Variants in SETD1B observed in about 807,000 individuals in gnomAD.
SETD1B encodes histone-lysine N-methyltransferase SETD1B.
SETD1B carries 7 observed loss-of-function variants against 148.0 expected under a neutral mutation model. The observed-to-expected ratio is 0.05, with a 90% CI of 0.03 to 0.09. SETD1B has a LOEUF of 0.09. Among genes scored for constraint, SETD1B ranks in the 10% least tolerant of loss-of-function variants. SETD1B has a pLI of 1.00. For missense variants in SETD1B, 2,155 were observed against 2,729.9 expected (o/e 0.79, Z 4.69); for synonymous variants, 1,361 against 1,186.5 (o/e 1.15, Z -3.02).
chr12:121,814,959 G>T, intron 7 of SETD1B, 29 bp downstream of exon 7: 2 of 1,509,822 alleles, frequency 1.3e-6, no homozygotes, highest in South Asian at 2.5e-5. Context: ...GGCTCTGCAG[G>T]GTGGCTGTGG....
chr12:121,793,592 AC>A, the SETD1B span: 2 of 1,552,058 alleles, frequency 1.3e-6, no homozygotes, highest in African/African-American at 1.4e-5. Flanking sequence ...TCCTGCCCGG[AC>A]CGGGGGCGGC....
At position 121,827,545 on chromosome 12, in the gene SETD1B, C is replaced by G. The variant is rs780659811; in HGVS notation, c.5364C>G (p.His1788Gln). 1 of 1,546,398 alleles carries G rather than the reference C, an allele frequency of 6.5e-7. No individual in the cohort carries two copies. Among genetic ancestry groups the G allele is most frequent in the Admixed American group, 2.0e-5 (1 of 50,946 alleles). Residue 1788 changes from histidine to glutamine, a missense_variant, in exon 14 of 17, where the codon CAC becomes CAG. This residue lies in a region of SETD1B where 51 missense variants were observed against 162.8 expected (regional missense o/e 0.31). Transcript: ENST00000604567. ...GCATGAGCATCCCAGCACAGCCCCA[C>G]GCCTCCACCCGGGCAGGCTCGGAGC... ...TQGMSIPAQPHASTRAGSERR... is the reference protein window; with the variant it reads ...TQGMSIPAQPQASTRAGSERR...
rs577667566 is a variant in SETD1B at position 121,830,323 on chromosome 12, C to G, written c.*84C>G. Reference sequence around the variant, plus strand: ...CCCCTGGCCCCGGGGCCCGGCCCCCCGCGCCCGCCCCCATTTCAGGTGCTG... The same window carrying G: ...CCCCTGGCCCCGGGGCCCGGCCCCCGGCGCCCGCCCCCATTTCAGGTGCTG... On this transcript the variant is annotated 3_prime_UTR_variant, in exon 17 of 17. Transcript: ENST00000604567. The surrounding 1 kb of genome is among the most constrained non-coding windows in gnomAD (Gnocchi z 5.7). The G allele has an allele frequency of 1.6e-5, 21 of 1,343,816 alleles. No homozygotes were observed. The highest frequency in any genetic ancestry group is 2.0e-5 in the Non-Finnish European group (20 of 997,450). The allele number at this position is 1,343,816 out of a possible 1,614,324, so 83.2% of individuals were successfully genotyped here.
intron 12 of SETD1B, among the ~76,000 whole-genome samples, 176 bp from the exon 13 acceptor site, chr12:121,825,024 G>C (rs561427777): frequency 6.6e-6 from 1 of 151,918 alleles, no homozygotes; most frequent in East Asian, 1.9e-4. Flanking sequence ...ATGCAACTAG[G>C]TATTGACCGT....
In SETD1B at chr12:121,827,472, C is replaced by T. The variant is rs868087490; in HGVS notation, c.5338-47C>T. 2.3e-5 allele frequency: 34 copies of T among 1,489,730 alleles called. 1 individual carries two copies. In the Middle Eastern group the frequency reaches 7.9e-4, roughly 35 times the overall value. 92.3% of individuals were successfully genotyped at this position (1,489,730 alleles called of 1,614,324 possible). ...GATCCAGAGCCTAGGGTGGGACCGCCGAGGACACGGCCAGCTCCGCTGAGC... is the reference window on the plus strand; with the variant it reads ...GATCCAGAGCCTAGGGTGGGACCGCTGAGGACACGGCCAGCTCCGCTGAGC... On this transcript the variant is annotated intron_variant, in intron 13 of 16. Transcript: ENST00000604567.
chr12:121,811,694 C>G (rs1430426741), intron 6 of SETD1B, among the ~76,000 whole-genome samples: 2 of 152,154 alleles, frequency 1.3e-5, no homozygotes, highest in African/African-American at 2.4e-5. Context: ...GGGGCTTAGA[C>G]AGAGCTCTGC....
At position 121,808,738 on chromosome 12, in the gene SETD1B, A is replaced by G. The variant is rs1875866383; in HGVS notation, c.657+418A>G. ...CCAGAGTTCATGCCCTGCCTTCCAG[A>G]GCAAGGCTGACTCCTTCCAAACCAC... On this transcript the variant is annotated intron_variant, in intron 5 of 16. Coordinates refer to ENST00000604567, the MANE Select transcript of SETD1B (RefSeq NM_001353345.2). The surrounding 1 kb of genome is among the most constrained non-coding windows in gnomAD (Gnocchi z 5.3). 6.6e-6 allele frequency among the ~76,000 whole-genome samples: 1 copy of G among 152,218 alleles called. No homozygotes were observed. Among genetic ancestry groups the G allele is most frequent in the Non-Finnish European group, 1.5e-5 (1 of 68,034 alleles).
In SETD1B at chr12:121,814,561, C is replaced by T. The variant is rs959047324; in HGVS notation, c.2346C>T (p.Leu782=). The T allele has an allele frequency of 1.4e-5, 21 of 1,502,644 alleles. No homozygotes were observed. The highest frequency in any genetic ancestry group is 4.2e-5 in the African/African-American group (3 of 71,704). 93.1% of individuals were successfully genotyped at this position (1,502,644 alleles called of 1,614,324 possible). The change falls in exon 7 of 17, where the codon CTC becomes CTT. Residue 782 remains leucine (L), a synonymous_variant. Transcript: ENST00000604567. ...CCTTCCAGATGCAAACGCAGGTGCT[C>T]AGCCGGCTGATGACGGGCCAGGGCG... ...PMSFQMQTQV[L]SRLMTGQGAC... is the part of the protein sequence containing the mutation.
chr12:121,819,640 G>A lies in SETD1B; in HGVS notation c.3655G>A (p.Ala1219Thr). 6.4e-7 allele frequency: 1 copy of A among 1,551,654 alleles called. No individual in the cohort carries two copies. The highest frequency in any genetic ancestry group is 8.7e-7 in the Non-Finnish European group (1 of 1,147,016). Residue 1219 changes from alanine (A) to threonine (T), a missense_variant, in exon 11 of 17, where the codon GCC becomes ACC. Physicochemically the swap from Ala to Thr is moderately conservative, Grantham distance 58. Coordinates refer to ENST00000604567, the MANE Select transcript of SETD1B (RefSeq NM_001353345.2). Reference protein sequence around the residue: ...FEQDGEEAALAPGAPAVDSLG... With the variant: ...FEQDGEEAALTPGAPAVDSLG... Reference sequence around the variant, plus strand: ...GCAGGACGGGGAGGAAGCGGCTCTGGCCCCGGGGGCACCTGCAGTGGACTC... The same window carrying A: ...GCAGGACGGGGAGGAAGCGGCTCTGACCCCGGGGGCACCTGCAGTGGACTC...
chr12:121,809,193 C>T (rs564889354), intron 5 of SETD1B, among the ~76,000 whole-genome samples: 1 of 152,250 alleles, frequency 6.6e-6, no homozygotes, highest in African/African-American at 2.4e-5. Context: ...CACTTTAAAT[C>T]CTAAAGCACT....
chr12:121,818,925 T>G (rs1450981386), intron 10 of SETD1B, among the ~76,000 whole-genome samples: 1 of 149,684 alleles, frequency 6.7e-6, no homozygotes, highest in Non-Finnish European at 1.5e-5. Context: ...TTTTCTGTTA[T>G]GTTAATTTTA....
intron 7 of SETD1B, among the ~76,000 whole-genome samples, chr12:121,816,415 C>T (rs182095306): frequency 1.3e-5 from 2 of 152,272 alleles, no homozygotes; most frequent in Non-Finnish European, 2.9e-5. Flanking sequence ...TAGAATGAAC[C>T]GTCTGAAATC....
chr12:121,807,925 G>A (rs930665), intron 4 of SETD1B, among the ~76,000 whole-genome samples: 111,764 of 149,706 alleles, frequency 0.75, 42,992 homozygotes, highest in East Asian at 0.95. Flanking sequence ...GCTGGGCGTC[G>A]CGGGTGGCAC....
the SETD1B span, among the ~76,000 whole-genome samples, chr12:121,791,958 C>T: frequency 6.6e-6 from 1 of 152,232 alleles, no homozygotes; most frequent in South Asian, 2.1e-4. Context: ...GGCCACGCCC[C>T]GGGAATTCCT....
Position 121,804,782 on chromosome 12 carries a change from G to A in SETD1B, c.45G>A (p.Pro15=). The A allele has an allele frequency of 6.5e-7, 1 of 1,542,648 alleles. No homozygotes were observed. The highest frequency in any genetic ancestry group is 8.8e-7 in the Non-Finnish European group (1 of 1,142,848). ...CCCACCACCACCACCAGCAGCCCCC[G>A]CCGCAGCCCGGCCCTTCGGGCGAGA... ...HPPHHHHQQP[P]PQPGPSGERR... The change falls in exon 2 of 17, where the codon CCG becomes CCA. Residue 15 remains proline (P), a synonymous_variant. Coordinates refer to ENST00000604567, the MANE Select transcript of SETD1B (RefSeq NM_001353345.2). This position sits in a 1 kb window ranked among gnomAD's most constrained non-coding sequence, Gnocchi z 4.6.
chr12:121,827,900 G>A lies in SETD1B; in HGVS notation c.5590-33G>A, dbSNP rs760250638. The A allele has an allele frequency of 2.0e-5, 31 of 1,552,200 alleles. No individual in the cohort carries two copies. The South Asian group carries it at 2.5e-4, about 13-fold the overall frequency. Reference sequence around the variant, plus strand: ...TGGGCACCGGGGTGGGCATGGGGCCGGCCCAGCCAGACTGACCCCCTTTTG... The same window carrying A: ...TGGGCACCGGGGTGGGCATGGGGCCAGCCCAGCCAGACTGACCCCCTTTTG... On this transcript the variant is annotated intron_variant, in intron 15 of 16. Coordinates refer to ENST00000604567, the MANE Select transcript of SETD1B (RefSeq NM_001353345.2).
At chr12:121,793,193 A>G in the SETD1B span, 21 of 1,550,816 alleles carry the variant, frequency 1.4e-5, no homozygotes, top group Admixed American at 2.0e-4. Context: ...CTTGCTGCCA[A>G]CGGTCACGCT....
chr12:121,822,931 C>G lies in SETD1B; in HGVS notation c.4352C>G (p.Pro1451Arg), dbSNP rs1035250159. 2 of 1,531,928 alleles carry G rather than the reference C, an allele frequency of 1.3e-6. No individual in the cohort carries two copies. Among genetic ancestry groups the G allele is most frequent in the Non-Finnish European group, 1.8e-6 (2 of 1,136,762 alleles). 94.9% of individuals were successfully genotyped at this position (1,531,928 alleles called of 1,614,324 possible). ...GPLLLPVCPL[P>R]TGRRDERSGP... ...TTGCTCCTGCCCGTCTGCCCACTCC[C>G]CACTGGCCGACGCGATGAACGCTCC... The change falls in exon 12 of 17, where the codon CCC becomes CGC. Residue 1451 changes from proline (P) to arginine (R), a missense_variant. Transcript: ENST00000604567.
intron 7 of SETD1B, 70 bp from the exon 8 acceptor site, chr12:121,816,963 C>T (rs1004676553): frequency 4.0e-5 from 55 of 1,390,886 alleles, no homozygotes; most frequent in Non-Finnish European, 5.0e-5. Flanking sequence ...GGCAGGTAGC[C>T]TGGGGAGGGC....
Sources: gnomAD v4.1 joint callset for allele counts (sites outside exome capture counted in the v4.1 genomes callset) on GRCh38, gnomAD v4.1.1 for gene constraint, gnomAD v4.1.1 regional missense constraint, Gnocchi (gnomAD v3.1) non-coding constraint, MANE v1.5 for transcripts, NCBI Gene and HGNC (gene_info 2026-07-23, HGNC 2026-07-21) for gene names.